RHOU: variants seen among roughly 807,000 people sequenced by gnomAD.
RHOU encodes the protein rho-related GTP-binding protein RhoU.
RHOU carries 8 observed loss-of-function variants against 12.6 expected under a neutral mutation model. The observed-to-expected ratio is 0.64, with a 90% CI of 0.37 to 1.15. The LOEUF (loss-of-function observed/expected upper bound fraction) is 1.15. RHOU is among the 50% of genes most tolerant of loss of function. RHOU has a pLI of 0.01. For missense variants in RHOU, 258 were observed against 347.0 expected, an observed-to-expected ratio of 0.74 and a Z score of 2.04; for synonymous variants, 161 against 147.4, an observed-to-expected ratio of 1.09 and a Z score of -0.67.
chr1:228,726,980 T>A, the RHOU span, among the ~76,000 whole-genome samples: 1 of 152,184 alleles, frequency 6.6e-6, no homozygotes, highest in Non-Finnish European at 1.5e-5. Context: ...TCTTCTGACT[T>A]TCTGTTGCAC....
chr1:228,664,643 T>C, the RHOU span, among the ~76,000 whole-genome samples: 1 of 152,042 alleles, frequency 6.6e-6, no homozygotes, highest in South Asian at 2.1e-4. Flanking sequence ...CCAAGATTGA[T>C]TGATTTTGAG....
chr1:228,655,353 A>G, the RHOU span, among the ~76,000 whole-genome samples: 1 of 151,972 alleles, frequency 6.6e-6, no homozygotes, highest in Non-Finnish European at 1.5e-5. Context: ...CCACCCACCT[A>G]GGCCTCCCAA....
chr1:228,683,984 T>C, the RHOU span, among the ~76,000 whole-genome samples: 2 of 152,226 alleles, frequency 1.3e-5, no homozygotes, highest in African/African-American at 2.4e-5. Context: ...ATCTGTGGAC[T>C]TGGAGATCAT....
the RHOU span, among the ~76,000 whole-genome samples, chr1:228,660,261 A>G: frequency 6.6e-6 from 1 of 152,044 alleles, no homozygotes; most frequent in Non-Finnish European, 1.5e-5. Flanking sequence ...GAACCCTACC[A>G]AGACTGAATC....
the RHOU span, among the ~76,000 whole-genome samples, chr1:228,707,950 G>T: frequency 6.6e-6 from 1 of 152,164 alleles, no homozygotes. Flanking sequence ...CACCAATACA[G>T]AGAAGTGCTT....
At chr1:228,670,123 G>A in the RHOU span, among the ~76,000 whole-genome samples, 4 of 152,194 alleles carry the variant, frequency 2.6e-5, no homozygotes, top group East Asian at 3.9e-4. Flanking sequence ...GTACTGGTAA[G>A]AGCAGTAAAG....
At chr1:228,677,678 A>G in the RHOU span, among the ~76,000 whole-genome samples, 1 of 152,198 alleles carries the variant, frequency 6.6e-6, no homozygotes, top group Non-Finnish European at 1.5e-5. Context: ...GGGAACCAGA[A>G]TAAGAGTGAG....
At chr1:228,652,046 A>C in the RHOU span, among the ~76,000 whole-genome samples, 2 of 152,116 alleles carry the variant, frequency 1.3e-5, no homozygotes, top group Non-Finnish European at 2.9e-5. Flanking sequence ...AGTATGATAC[A>C]AATCTACACT....
the RHOU span, among the ~76,000 whole-genome samples, chr1:228,723,186 G>C: frequency 2.6e-5 from 4 of 152,176 alleles, no homozygotes; most frequent in East Asian, 1.9e-4. Flanking sequence ...TGCCAGTTTC[G>C]ATAAAATGAC....
At chr1:228,646,861 G>T in the RHOU span, among the ~76,000 whole-genome samples, 5 of 152,126 alleles carry the variant, frequency 3.3e-5, no homozygotes, top group Admixed American at 1.3e-4. Context: ...GCAAGGAGAA[G>T]ATGGATGGAG....
chr1:228,716,586 T>C, the RHOU span, among the ~76,000 whole-genome samples: 2 of 152,214 alleles, frequency 1.3e-5, no homozygotes. Context: ...AGAAAATGGA[T>C]GGTGTTTGTT....
At chr1:228,707,255 A>AGT in the RHOU span, among the ~76,000 whole-genome samples, 87 of 40,696 alleles carry the variant, frequency 2.1e-3, no homozygotes, top group Non-Finnish European at 2.7e-3. Context: ...ATATATATAT[A>AGT]GTGTGTGTGT....
upstream of RHOU, chr1:228,735,419 G>A (rs867432047): frequency 1.7e-3 from 295 of 178,422 alleles, 1 homozygote; most frequent in African/African-American, 6.6e-3. The surrounding 1 kb of genome is among the most constrained non-coding windows in gnomAD (Gnocchi z 8.1). Flanking sequence ...TTCCCTCCCC[G>A]CCAGCCCGCC....
the RHOU span, among the ~76,000 whole-genome samples, chr1:228,721,061 G>A: frequency 6.6e-6 from 1 of 152,188 alleles, no homozygotes; most frequent in Non-Finnish European, 1.5e-5. Context: ...CAGCACTTTG[G>A]GAGGTCTAGG....
At chr1:228,706,775 T>A in the RHOU span, among the ~76,000 whole-genome samples, 1 of 152,176 alleles carries the variant, frequency 6.6e-6, no homozygotes, top group Non-Finnish European at 1.5e-5. Flanking sequence ...AAGCTAATAA[T>A]TTGTATATGT....
At chr1:228,680,922 T>C in the RHOU span, among the ~76,000 whole-genome samples, 2 of 152,196 alleles carry the variant, frequency 1.3e-5, no homozygotes, top group African/African-American at 4.8e-5. Context: ...TAGGGGATCT[T>C]CTCAGGGAAC....
the RHOU span, among the ~76,000 whole-genome samples, chr1:228,704,624 ATT>A: frequency 3.6e-5 from 5 of 139,660 alleles, no homozygotes; most frequent in Non-Finnish European, 3.1e-5. Context: ...CACTCAGCTA[ATT>A]TTTTTTTTTT....
intron 2 of RHOU, among the ~76,000 whole-genome samples, chr1:228,741,790 G>A (rs576840973): frequency 1.1e-3 from 174 of 152,178 alleles, no homozygotes; most frequent in Middle Eastern, 0.01. Context: ...CTATAGGCAC[G>A]TGCCACCACA....
chr1:228,654,671 T>C, the RHOU span, among the ~76,000 whole-genome samples: 1 of 152,234 alleles, frequency 6.6e-6, no homozygotes, highest in African/African-American at 2.4e-5. Context: ...TTCACGATTG[T>C]AGCTACTGTG....
Sources: gnomAD v4.1 joint callset for allele counts (sites outside exome capture counted in the v4.1 genomes callset) on GRCh38, gnomAD v4.1.1 for gene constraint, Gnocchi (gnomAD v3.1) non-coding constraint, MANE v1.5 for transcripts, NCBI Gene and HGNC (gene_info 2026-07-23, HGNC 2026-07-21) for gene names.